The following UBE2L3 variants were observed in gnomAD, a reference collection of about 807,000 sequenced individuals.
The protein encoded by UBE2L3 is ubiquitin conjugating enzyme E2 L3.
UBE2L3 carries 1 observed loss-of-function variant against 17.8 expected under a neutral mutation model. The observed-to-expected ratio is 0.06, with a 90% CI of 0.02 to 0.27. The LOEUF (loss-of-function observed/expected upper bound fraction) is 0.27, where lower values mean the gene tolerates loss of function less well. Among genes scored for constraint, UBE2L3 ranks in the 10% least tolerant of loss-of-function variants. The pLI, the probability that UBE2L3 is intolerant of heterozygous loss-of-function variation, is 1.00. For missense variants in UBE2L3, 40 were observed against 192.6 expected (o/e 0.21, Z 4.69); for synonymous variants, 44 against 68.5 (o/e 0.64, Z 1.76).
rs144515712 is a variant in UBE2L3, at chr22:21,581,941, A to G, written c.28-10920A>G. Among the ~76,000 whole-genome samples, 1,182 of 146,898 alleles carry G rather than the reference A, an allele frequency of 8.0e-3. 25 individuals carry two copies. The highest frequency in any genetic ancestry group is 0.028 in the African/African-American group (1,127 of 39,556). Reference sequence around the variant, plus strand: ...AGCCTGGCCAACATGGCAAAACCCCATGTCTACTGAAAAAAAAAAACAAAA... The same window carrying G: ...AGCCTGGCCAACATGGCAAAACCCCGTGTCTACTGAAAAAAAAAAACAAAA... On this transcript the variant is annotated intron_variant, in intron 1 of 3. Coordinates refer to ENST00000342192, the MANE Select transcript of UBE2L3 (RefSeq NM_003347.4).
At chr22:21,582,896 G>T (rs1368340924) in intron 1 of UBE2L3, among the ~76,000 whole-genome samples, 3 of 152,138 alleles carry the variant, frequency 2.0e-5, no homozygotes, top group Admixed American at 6.6e-5. Context: ...CCTCAGAAAG[G>T]TACCCATCTT....
At chr22:21,600,753 A>C (rs1197697874) in intron 2 of UBE2L3, among the ~76,000 whole-genome samples, 2 of 152,190 alleles carry the variant, frequency 1.3e-5, no homozygotes, top group African/African-American at 4.8e-5. Context: ...CCCAAAACCA[A>C]GTTGTTGAAA....
chr22:21,605,365 G>A (rs1299512758), intron 2 of UBE2L3, among the ~76,000 whole-genome samples: 8 of 152,100 alleles, frequency 5.3e-5, no homozygotes, highest in African/African-American at 1.2e-4. Flanking sequence ...TTACAGGTGC[G>A]TGCCACCACG....
intron 3 of UBE2L3, among the ~76,000 whole-genome samples, chr22:21,621,019 C>T (rs571950616): frequency 3.2e-4 from 49 of 152,232 alleles, no homozygotes; most frequent in African/African-American, 1.1e-3. Context: ...CTGGATTAGC[C>T]GGGCATGGTG....
upstream of UBE2L3, among the ~76,000 whole-genome samples, chr22:21,563,561 A>T (rs1390865641): frequency 2.7e-4 from 33 of 122,832 alleles, no homozygotes; most frequent in South Asian, 7.4e-3. Flanking sequence ...ACTCCGTCTC[A>T]AAAAAAAAAA....
At chr22:21,574,982 C>T (rs982066996) in intron 1 of UBE2L3, among the ~76,000 whole-genome samples, 8 of 150,798 alleles carry the variant, frequency 5.3e-5, no homozygotes, top group Admixed American at 1.3e-4. Context: ...GTTGGCTTGG[C>T]GCAGTAGCTC....
chr22:21,598,724 G>A (rs369804618), intron 2 of UBE2L3, among the ~76,000 whole-genome samples: 17 of 151,534 alleles, frequency 1.1e-4, no homozygotes, highest in South Asian at 1.0e-3. Context: ...ATAATAAATG[G>A]GTTCTCCCTG....
At chr22:21,579,209 C>T (rs2148408776) in intron 1 of UBE2L3, among the ~76,000 whole-genome samples, 1 of 152,070 alleles carries the variant, frequency 6.6e-6, no homozygotes, top group East Asian at 1.9e-4. Flanking sequence ...CCAGGATGGT[C>T]TCGAACTTCT....
At chr22:21,571,415 A>T (rs1031624964) in intron 1 of UBE2L3, among the ~76,000 whole-genome samples, 1 of 152,132 alleles carries the variant, frequency 6.6e-6, no homozygotes, top group Non-Finnish European at 1.5e-5. Flanking sequence ...TTATCATGAC[A>T]TAACTGTTGA....
At chr22:21,619,128 C>T (rs1929925560) in intron 3 of UBE2L3, among the ~76,000 whole-genome samples, 1 of 152,120 alleles carries the variant, frequency 6.6e-6, no homozygotes, top group Admixed American at 6.6e-5. Flanking sequence ...AATTTCCAGC[C>T]CTGAAGTCAA....
intron 2 of UBE2L3, among the ~76,000 whole-genome samples, chr22:21,603,736 G>A (rs939544036): frequency 7.3e-5 from 11 of 150,962 alleles, no homozygotes; most frequent in Non-Finnish European, 1.3e-4. Flanking sequence ...CTAGCTACTC[G>A]GGAGGCTGAG....
At chr22:21,601,131 A>G (rs1928833244) in intron 2 of UBE2L3, among the ~76,000 whole-genome samples, 1 of 152,018 alleles carries the variant, frequency 6.6e-6, no homozygotes, top group African/African-American at 2.4e-5. Context: ...AGATCGCGTC[A>G]TTGCACTCCA....
At chr22:21,565,414 C>T (rs1301478216), upstream of UBE2L3, among the ~76,000 whole-genome samples, 4 of 151,528 alleles carry the variant, frequency 2.6e-5, no homozygotes, top group African/African-American at 9.7e-5. Context: ...ATTTCCAGTT[C>T]CCTTTCCTTC....
At chr22:21,582,665 A>C (rs970188084) in intron 1 of UBE2L3, among the ~76,000 whole-genome samples, 1 of 152,152 alleles carries the variant, frequency 6.6e-6, no homozygotes, top group Non-Finnish European at 1.5e-5. Flanking sequence ...AGCTGGGATT[A>C]CAGGCGCTTG....
At chr22:21,610,173 T>C (rs528607675) in intron 2 of UBE2L3, among the ~76,000 whole-genome samples, 8 of 152,248 alleles carry the variant, frequency 5.3e-5, no homozygotes, top group African/African-American at 1.4e-4. Context: ...CACTGTGTCT[T>C]TATATGATGG....
At chr22:21,568,256 C>G (rs1027108747) in intron 1 of UBE2L3, 13 of 986,906 alleles carry the variant, frequency 1.3e-5, no homozygotes, top group Non-Finnish European at 1.6e-5. Context: ...CTGGGAGGTT[C>G]GGGCTAGGAA....
rs528241995 is a variant in UBE2L3, at chr22:21,608,805, C to G, written c.124-2052C>G. Among the ~76,000 whole-genome samples, 10 of 132,066 alleles carry G rather than the reference C, an allele frequency of 7.6e-5. No individual in the cohort carries two copies. In the South Asian group the frequency reaches 2.5e-3, roughly 33 times the overall value. 86.6% of individuals were successfully genotyped at this position (132,066 alleles called of 152,430 possible). ...TTATGTTTCACAAACTGGTCTTGAACTCCCGGCCTCAAGTGATCCTCCCTC... is the reference window on the plus strand; with the variant it reads ...TTATGTTTCACAAACTGGTCTTGAAGTCCCGGCCTCAAGTGATCCTCCCTC... On this transcript the variant is annotated intron_variant, in intron 2 of 3. Coordinates refer to ENST00000342192, the MANE Select transcript of UBE2L3 (RefSeq NM_003347.4).
intron 3 of UBE2L3, among the ~76,000 whole-genome samples, chr22:21,615,613 C>T (rs1929729863): frequency 6.6e-6 from 1 of 151,810 alleles, no homozygotes; most frequent in African/African-American, 2.4e-5. Flanking sequence ...TGGAAGGCCA[C>T]ATATTGTATG....
intron 1 of UBE2L3, chr22:21,568,076 G>T: frequency 8.2e-7 from 1 of 1,218,112 alleles, no homozygotes; most frequent in Admixed American, 4.7e-5. Flanking sequence ...GGTCCGATCT[G>T]AGGGCGTCGT....
Sources: allele counts gnomAD v4.1 joint callset (sites outside exome capture counted in the v4.1 genomes callset), GRCh38; gene constraint gnomAD v4.1.1; transcripts MANE v1.5; gene names NCBI Gene and HGNC (gene_info 2026-07-23, HGNC 2026-07-21).